Variants in MTUS2 observed in about 807,000 individuals in gnomAD.
MTUS2 encodes the protein microtubule associated scaffold protein 2.
MTUS2 carries 40 observed loss-of-function variants against 114.1 expected under a neutral mutation model. That is an observed-to-expected ratio of 0.35 (90% CI 0.27 to 0.46). The LOEUF (loss-of-function observed/expected upper bound fraction) is 0.46, where lower values mean the gene tolerates loss of function less well. Among genes scored for constraint, MTUS2 ranks in the 20% least tolerant of loss-of-function variants. The probability of loss-of-function intolerance (pLI) is 1.00; values close to 1 mark genes in which losing one functional copy is unlikely to be tolerated. For synonymous variants in MTUS2, 688 were observed against 672.0 expected, an observed-to-expected ratio of 1.02 and a Z score of -0.37; for missense variants, 1,679 against 1,705.4, an observed-to-expected ratio of 0.98 and a Z score of 0.27.
At chr13:29,127,440 ATCT>A (rs1475045097) in intron 5 of MTUS2, among the ~76,000 whole-genome samples, 1 of 152,204 alleles carries the variant, frequency 6.6e-6, no homozygotes, top group Non-Finnish European at 1.5e-5. Context: ...AAAAGAAGTT[ATCT>A]TCTTTAGCCT....
chr13:28,820,225 G>A (rs2137909805), upstream of MTUS2: 1 of 146,880 alleles, frequency 6.8e-6, no homozygotes, highest in Admixed American at 6.8e-5. Flanking sequence ...GGCGGCTCCG[G>A]TCCCCGGCTG....
At chr13:29,308,000 C>T (rs955738309) in intron 6 of MTUS2, among the ~76,000 whole-genome samples, 20 of 152,186 alleles carry the variant, frequency 1.3e-4, no homozygotes, top group African/African-American at 4.6e-4. Context: ...AGGAAATGGT[C>T]ATACTGCCCA....
intron 8 of MTUS2, among the ~76,000 whole-genome samples, chr13:29,412,181 G>T (rs1875292890): frequency 6.6e-6 from 1 of 152,226 alleles, no homozygotes; most frequent in South Asian, 2.1e-4. Flanking sequence ...TTCTTCTATT[G>T]TTTACACATT....
At chr13:29,356,057 C>A (rs1869714304) in intron 7 of MTUS2, among the ~76,000 whole-genome samples, 1 of 152,074 alleles carries the variant, frequency 6.6e-6, no homozygotes, top group Non-Finnish European at 1.5e-5. Flanking sequence ...CAGTGGCATG[C>A]CTGCCTGCTT....
At chr13:28,927,713 A>G (rs1353336592) in intron 2 of MTUS2, among the ~76,000 whole-genome samples, 1 of 152,248 alleles carries the variant, frequency 6.6e-6, no homozygotes, top group African/African-American at 2.4e-5. Context: ...TACAGATTCA[A>G]TGAAATCCCT....
chr13:29,428,535 C>G (rs1348188304), intron 8 of MTUS2: 1 of 498,652 alleles, frequency 2.0e-6, no homozygotes, highest in African/African-American at 2.0e-5. Context: ...ATTGATTTGC[C>G]TCACCCTGAG....
At chr13:29,001,190 T>G (rs900328417) in intron 2 of MTUS2, among the ~76,000 whole-genome samples, 1 of 151,806 alleles carries the variant, frequency 6.6e-6, no homozygotes. Context: ...CTCAGTGAGC[T>G]GAAGAGCCAC....
At chr13:29,428,247 G>A (rs1876693135) in intron 8 of MTUS2, among the ~76,000 whole-genome samples, 1 of 152,258 alleles carries the variant, frequency 6.6e-6, no homozygotes, top group African/African-American at 2.4e-5. Flanking sequence ...GGGAGGAGAG[G>A]CCATATACAT....
intron 2 of MTUS2, among the ~76,000 whole-genome samples, chr13:28,902,844 G>A (rs192782309): frequency 1.5e-3 from 233 of 152,124 alleles, no homozygotes; most frequent in Non-Finnish European, 2.9e-3. Context: ...AGAATGATTT[G>A]GGAAGTGTTT....
At chr13:29,307,526 A>G in intron 6 of MTUS2, 2 of 1,264,114 alleles carry the variant, frequency 1.6e-6, no homozygotes, top group Non-Finnish European at 1.1e-6. Flanking sequence ...TGCTGTCTTG[A>G]AAAACCTGCC....
chr13:29,490,714 G>GT (rs1882000627), intron 11 of MTUS2, among the ~76,000 whole-genome samples: 1 of 152,268 alleles, frequency 6.6e-6, no homozygotes, highest in South Asian at 2.1e-4. Flanking sequence ...GCAGCCAAGA[G>GT]GCTACCAAGG....
chr13:29,121,487 G>A (rs1030743073), intron 5 of MTUS2, among the ~76,000 whole-genome samples: 3 of 151,888 alleles, frequency 2.0e-5, no homozygotes, highest in African/African-American at 7.2e-5. Context: ...GTGAGCACAG[G>A]CAGTGTCATG....
chr13:29,361,510 A>G (rs1418499815), intron 8 of MTUS2, among the ~76,000 whole-genome samples: 1 of 152,076 alleles, frequency 6.6e-6, no homozygotes, highest in African/African-American at 2.4e-5. Context: ...AGTGGCTTTT[A>G]TGCAGGCCGT....
At chr13:29,085,057 G>A (rs1889629544) in intron 4 of MTUS2, among the ~76,000 whole-genome samples, 2 of 152,194 alleles carry the variant, frequency 1.3e-5, no homozygotes, top group East Asian at 1.9e-4. Flanking sequence ...CATGCAAGGA[G>A]ATGCAGTTGT....
rs1411767668 is a variant in MTUS2, at chr13:28,953,975, A to G, written c.-242-70482A>G. On this transcript the variant is annotated intron_variant, in intron 2 of 15. Transcript: ENST00000612955. ...CTATAAGGGCTACTATAATAAAATCAATGTGATAGACAAATGTGTCAATGG... is the reference window on the plus strand; with the variant it reads ...CTATAAGGGCTACTATAATAAAATCGATGTGATAGACAAATGTGTCAATGG... 2.6e-5 allele frequency among the ~76,000 whole-genome samples: 4 copies of G among 152,244 alleles called. No individual in the cohort carries two copies. In the South Asian group the frequency reaches 8.3e-4, roughly 32 times the overall value.
chr13:29,043,158 T>C (rs1593414277), intron 4 of MTUS2, among the ~76,000 whole-genome samples: 1 of 152,230 alleles, frequency 6.6e-6, no homozygotes, highest in Non-Finnish European at 1.5e-5. Flanking sequence ...GTTGAAATAA[T>C]TTTTTAATTT....
intron 2 of MTUS2, among the ~76,000 whole-genome samples, chr13:28,974,137 G>T (rs1883981713): frequency 6.6e-6 from 1 of 152,174 alleles, no homozygotes; most frequent in Non-Finnish European, 1.5e-5. Context: ...TAACTGGACG[G>T]TGAGTAGTTT....
At chr13:28,893,274 G>C (rs1879041321) in intron 2 of MTUS2, among the ~76,000 whole-genome samples, 1 of 152,144 alleles carries the variant, frequency 6.6e-6, no homozygotes, top group East Asian at 1.9e-4. Flanking sequence ...CTGGGAAGAG[G>C]TATTCATGTA....
chr13:28,860,732 A>G (rs1435387982), intron 2 of MTUS2, among the ~76,000 whole-genome samples: 2 of 152,172 alleles, frequency 1.3e-5, no homozygotes, highest in East Asian at 1.9e-4. Context: ...TCATTCTTAC[A>G]GTGCTTTCAG....
Sources: allele counts gnomAD v4.1 joint callset (sites outside exome capture counted in the v4.1 genomes callset), GRCh38; gene constraint gnomAD v4.1.1; transcripts MANE v1.5; gene names NCBI Gene and HGNC (gene_info 2026-07-23, HGNC 2026-07-21).